SYN2: variants seen among roughly 807,000 people sequenced by gnomAD.
The protein encoded by SYN2 is synapsin-2.
SYN2 carries 19 observed loss-of-function variants against 50.9 expected under a neutral mutation model. The ratio of observed to expected loss-of-function variants is 0.37; its 90% CI spans 0.26 to 0.55. The LOEUF (loss-of-function observed/expected upper bound fraction) is 0.55. Among genes scored for constraint, SYN2 ranks in the 20% least tolerant of loss-of-function variants. The pLI is 0.81. For missense variants in SYN2, 587 were observed against 576.4 expected (o/e 1.02, Z -0.19); for synonymous variants, 255 against 224.9 (o/e 1.13, Z -1.20).
chr3:12,138,847 A>G (rs578138958), intron 1 of SYN2, among the ~76,000 whole-genome samples: 48 of 151,850 alleles, frequency 3.2e-4, no homozygotes, highest in Non-Finnish European at 4.9e-4. Flanking sequence ...AAGGGATCTC[A>G]TGGGTCATTC....
At chr3:12,152,592 A>C (rs908805270) in intron 5 of SYN2, among the ~76,000 whole-genome samples, 3 of 152,152 alleles carry the variant, frequency 2.0e-5, no homozygotes, top group Admixed American at 6.5e-5. Flanking sequence ...TTTTCCCTCA[A>C]GGGCCTTTGT....
chr3:12,111,320 A>G (rs727682), intron 1 of SYN2, among the ~76,000 whole-genome samples: 15,632 of 152,162 alleles, frequency 0.1, 1,214 homozygotes, highest in African/African-American at 0.21. Flanking sequence ...TGGAGCTGTA[A>G]GTCCATTAAG....
intron 5 of SYN2, chr3:12,158,669 C>T: frequency 1.2e-6 from 2 of 1,607,614 alleles, no homozygotes; most frequent in African/African-American, 1.3e-5. Flanking sequence ...CACAACCACC[C>T]CCTGCTGTGG....
intron 1 of SYN2, among the ~76,000 whole-genome samples, chr3:12,024,173 T>C (rs79878761): frequency 7.5e-5 from 8 of 106,172 alleles, no homozygotes; most frequent in Non-Finnish European, 1.1e-4. Context: ...TTTTTTTTTT[T>C]TGAGACAGAG....
chr3:12,185,211 G>A, intron 11 of SYN2: 1 of 985,814 alleles, frequency 1.0e-6, no homozygotes, highest in Non-Finnish European at 1.2e-6. Context: ...CTCCCAATCT[G>A]ATGAAACGAT....
chr3:12,108,214 A>G (rs1696239946), intron 1 of SYN2, among the ~76,000 whole-genome samples: 1 of 152,186 alleles, frequency 6.6e-6, no homozygotes, highest in African/African-American at 2.4e-5. Flanking sequence ...TAAAATAAAA[A>G]GAGAACAAAA....
At chr3:12,189,237 G>A (rs1332639875) in intron 12 of SYN2, among the ~76,000 whole-genome samples, 1 of 152,302 alleles carries the variant, frequency 6.6e-6, no homozygotes, top group East Asian at 1.9e-4. Flanking sequence ...AAGCTGGGCC[G>A]CTGGAGAAGC....
At chr3:12,183,415 G>A in intron 11 of SYN2, 43 bp downstream of exon 11, 1 of 1,612,650 alleles carries the variant, frequency 6.2e-7, no homozygotes. Flanking sequence ...ATTGCAGTAG[G>A]GCCAAAACAA....
chr3:12,183,919 C>G (rs763712720), intron 11 of SYN2: 160 of 995,384 alleles, frequency 1.6e-4, no homozygotes, highest in Non-Finnish European at 1.7e-4. Flanking sequence ...CTTCAATGAA[C>G]TGTGCTTTTC....
At chr3:12,033,938 G>A (rs1224216988) in intron 1 of SYN2, among the ~76,000 whole-genome samples, 1 of 152,132 alleles carries the variant, frequency 6.6e-6, no homozygotes, top group Admixed American at 6.5e-5. Flanking sequence ...TCAGTTGATG[G>A]ACATTTGGGT....
At chr3:12,118,640 A>G (rs1220138166) in intron 1 of SYN2, among the ~76,000 whole-genome samples, 3 of 152,168 alleles carry the variant, frequency 2.0e-5, no homozygotes, top group African/African-American at 7.2e-5. Flanking sequence ...TTGACCTCAT[A>G]TAAGTTGTAT....
intron 1 of SYN2, among the ~76,000 whole-genome samples, chr3:12,007,244 C>T (rs1188148344): frequency 1.3e-5 from 2 of 152,198 alleles, no homozygotes; most frequent in Non-Finnish European, 2.9e-5. Context: ...CGTGGGCTGA[C>T]TCCCAACTGT....
At chr3:12,149,563 G>T (rs908656155) in intron 4 of SYN2, among the ~76,000 whole-genome samples, 3 of 152,200 alleles carry the variant, frequency 2.0e-5, no homozygotes, top group Non-Finnish European at 2.9e-5. Context: ...TGTGATCCGG[G>T]AGCCTGCACT....
intron 1 of SYN2, among the ~76,000 whole-genome samples, chr3:12,092,489 G>A (rs141085969): frequency 1.3e-5 from 2 of 152,230 alleles, no homozygotes; most frequent in East Asian, 1.9e-4. Context: ...TTACCTGGAG[G>A]GGTCATATCT....
intron 10 of SYN2, among the ~76,000 whole-genome samples, chr3:12,179,718 C>G (rs1698179584): frequency 6.6e-6 from 1 of 152,186 alleles, no homozygotes. Context: ...CCTATTTGCT[C>G]CATGTACCCA....
chr3:12,148,022 G>C (rs1370037447), intron 4 of SYN2, among the ~76,000 whole-genome samples: 2 of 152,080 alleles, frequency 1.3e-5, no homozygotes, highest in East Asian at 3.9e-4. Context: ...GCTGAGGCGG[G>C]AGAATGGCGT....
intron 1 of SYN2, among the ~76,000 whole-genome samples, chr3:12,124,873 A>G (rs1216506901): frequency 2.6e-5 from 4 of 152,254 alleles, no homozygotes; most frequent in Non-Finnish European, 5.9e-5. Flanking sequence ...GGGGAGGAAT[A>G]TGCAAGCGAT....
chr3:12,148,396 T>C (rs1488795758), intron 4 of SYN2, among the ~76,000 whole-genome samples: 1 of 152,238 alleles, frequency 6.6e-6, no homozygotes, highest in Non-Finnish European at 1.5e-5. Flanking sequence ...TGCTAGTTCA[T>C]GGGAGTGGAC....
intron 12 of SYN2, 141 bp downstream of exon 12, chr3:12,187,753 G>A (rs1698374080): frequency 7.6e-7 from 1 of 1,318,328 alleles, no homozygotes; most frequent in Non-Finnish European, 1.0e-6. Flanking sequence ...TTTTTTGTTA[G>A]TTTGTTTTTG....
Sources: allele counts gnomAD v4.1 joint callset (sites outside exome capture counted in the v4.1 genomes callset), GRCh38; gene constraint gnomAD v4.1.1; transcripts MANE v1.5; gene names NCBI Gene and HGNC (gene_info 2026-07-23, HGNC 2026-07-21).